The following C6orf163 variants were observed in gnomAD, a reference collection of about 807,000 sequenced individuals.
C6orf163 encodes chromosome 6 open reading frame 163.
Under a neutral mutation model 28.4 loss-of-function variants are expected in C6orf163, and 22 were observed. The observed-to-expected ratio is 0.78, with a 90% confidence interval of 0.55 to 1.11. The LOEUF is 1.11. C6orf163 is among the 50% of genes least tolerant of loss of function. The pLI is 0.00. For synonymous variants in C6orf163, 110 were observed against 123.6 expected, an observed-to-expected ratio of 0.89 and a Z score of 0.73; for missense variants, 342 against 389.1, an observed-to-expected ratio of 0.88 and a Z score of 1.02.
chr6:87,363,534 C>T (rs932156866), intron 4 of C6orf163, among the ~76,000 whole-genome samples: 2 of 150,336 alleles, frequency 1.3e-5, no homozygotes, highest in Non-Finnish European at 3.0e-5. Flanking sequence ...GTGTGATGTT[C>T]CCCTTCCTGT....
intron 1 of C6orf163, among the ~76,000 whole-genome samples, chr6:87,346,777 C>T (rs118097803): frequency 0.013 from 1,988 of 152,218 alleles, 19 homozygotes; most frequent in South Asian, 0.039. Flanking sequence ...AGGACCTCTA[C>T]GGTCAGGACT....
At chr6:87,350,638 G>A (rs1193973751) in intron 3 of C6orf163, 137 bp downstream of exon 3, 3 of 607,286 alleles carry the variant, frequency 4.9e-6, no homozygotes, top group Non-Finnish European at 8.6e-6. Context: ...TCCCCTGGGA[G>A]GTTCTCAGAA....
rs556332379 is a variant in C6orf163, at chr6:87,353,452, AAAAC to A, written c.352-2843_352-2840del. 4.1e-3 allele frequency among the ~76,000 whole-genome samples: 620 copies of A among 152,188 alleles called. 2 individuals carry two copies. Among genetic ancestry groups the A allele is most frequent in the Non-Finnish European group, 6.8e-3 (459 of 67,998 alleles). ...CACAAAAATTGAAAATTAAAAAAAAAAAACAAACACAATCACTTTGTGCCAAAAA... is the reference window on the plus strand; with the variant it reads ...CACAAAAATTGAAAATTAAAAAAAAAAAACACAATCACTTTGTGCCAAAAA... On this transcript the variant is annotated intron_variant, in intron 3 of 4. Transcript: ENST00000388923.
At chr6:87,348,245 GGTA>G in intron 1 of C6orf163, 1 of 983,974 alleles carries the variant, frequency 1.0e-6, no homozygotes. Flanking sequence ...ACCTTGTCTG[GGTA>G]GAGAGGATAT....
intron 1 of C6orf163, chr6:87,348,448 A>G (rs1360191827): frequency 4.0e-6 from 4 of 999,302 alleles, no homozygotes; most frequent in Admixed American, 1.2e-4. Flanking sequence ...CCAAATAGGA[A>G]CAGGGAGAGA....
chr6:87,356,463 G>A lies in C6orf163; in HGVS notation c.514G>A (p.Glu172Lys), dbSNP rs1227201529. Reference sequence around the variant, plus strand: ...AGCTGTGGAGAAAGCCAGGGCTGAAGAAAGACACATCGCCCAGGAAGCAAT... The same window carrying A: ...AGCTGTGGAGAAAGCCAGGGCTGAAAAAAGACACATCGCCCAGGAAGCAAT... The part of the protein sequence containing the change: ...VEAVEKARAE[E>K]RHIAQEAIQA... The change falls in exon 4 of 5, where the codon GAA (glutamate) becomes AAA (lysine). Residue 172 changes from glutamate (E) to lysine (K), a missense_variant. Transcript: ENST00000388923. 1.3e-6 allele frequency: 2 copies of A among 1,551,654 alleles called. No individual in the cohort carries two copies. Among genetic ancestry groups the A allele is most frequent in the African/African-American group, 1.4e-5 (1 of 73,052 alleles).
intron 3 of C6orf163, among the ~76,000 whole-genome samples, chr6:87,355,465 G>T (rs1777485363): frequency 6.6e-6 from 1 of 152,122 alleles, no homozygotes; most frequent in African/African-American, 2.4e-5. Flanking sequence ...GGAGGCTGAG[G>T]TGGGAGGACT....
rs1399126495 is a variant in C6orf163, at chr6:87,345,067, CTG to C, written c.-31_-30del. The C allele has an allele frequency of 6.8e-7, 1 of 1,473,338 alleles. No individual in the cohort carries two copies. The highest frequency in any genetic ancestry group is 9.0e-7 in the Non-Finnish European group (1 of 1,112,876). 91.3% of individuals were successfully genotyped at this position (1,473,338 alleles called of 1,614,324 possible). On this transcript the variant is annotated 5_prime_UTR_variant, in exon 1 of 5. Transcript: ENST00000388923. ...TTTTCTGATTCTAAGATTATTTTAA[CTG>C]TAAGTAGGAGAAGACATCTGAAATT...
intron 4 of C6orf163, among the ~76,000 whole-genome samples, chr6:87,361,294 AAAAAG>A (rs1777577586): frequency 6.6e-6 from 1 of 152,194 alleles, no homozygotes; most frequent in Non-Finnish European, 1.5e-5. Context: ...AAACCAAAAA[AAAAAG>A]AAGAAAGAAA....
At chr6:87,363,795 C>T (rs576125335) in intron 4 of C6orf163, among the ~76,000 whole-genome samples, 10 of 152,078 alleles carry the variant, frequency 6.6e-5, no homozygotes, top group Admixed American at 2.6e-4. Flanking sequence ...TGAATAGTGC[C>T]GCAATAAACA....
intron 4 of C6orf163, among the ~76,000 whole-genome samples, chr6:87,363,053 G>A (rs1777601876): frequency 6.6e-6 from 1 of 152,164 alleles, no homozygotes; most frequent in Non-Finnish European, 1.5e-5. Flanking sequence ...TGAGCTCAAT[G>A]TCTTCTTCAT....
At chr6:87,350,363 T>C in intron 2 of C6orf163, 31 bp from the exon 3 acceptor site, 1 of 1,344,464 alleles carries the variant, frequency 7.4e-7, no homozygotes, top group Non-Finnish European at 1.0e-6. Context: ...TTCTGATACA[T>C]TAATAGATAA....
intron 1 of C6orf163, among the ~76,000 whole-genome samples, chr6:87,345,776 G>A (rs1777312598): frequency 1.3e-5 from 2 of 151,874 alleles, no homozygotes; most frequent in African/African-American, 4.8e-5. Context: ...ATTTAAGCAG[G>A]CATGGTGGCA....
At chr6:87,354,397 C>A (rs1777466940) in intron 3 of C6orf163, among the ~76,000 whole-genome samples, 1 of 152,182 alleles carries the variant, frequency 6.6e-6, no homozygotes, top group Non-Finnish European at 1.5e-5. Flanking sequence ...TGAACTTCAA[C>A]AATTATTAAA....
chr6:87,346,687 T>A (rs371509349), intron 1 of C6orf163, among the ~76,000 whole-genome samples: 37 of 152,278 alleles, frequency 2.4e-4, no homozygotes, highest in African/African-American at 7.9e-4. Flanking sequence ...TATATAGAAC[T>A]TTGAAAAAAA....
chr6:87,348,452 GGAGA>G, intron 1 of C6orf163: 1 of 1,002,240 alleles, frequency 1.0e-6, no homozygotes, highest in Non-Finnish European at 1.2e-6. Context: ...ATAGGAACAG[GGAGA>G]GAGAGAGCTG....
rs1422033292 is a variant in C6orf163, at chr6:87,356,485, C to A, written c.536C>A (p.Ala179Glu). The change falls in exon 4 of 5, where the codon GCA (alanine) becomes GAA (glutamate). Residue 179 changes from alanine to glutamate, a missense_variant. By Grantham distance (107) the Ala-to-Glu change is moderately radical. Transcript: ENST00000388923. Reference protein sequence around the residue: ...RAEERHIAQEAIQAQKSKAVE... With the variant: ...RAEERHIAQEEIQAQKSKAVE... Reference sequence around the variant, plus strand: ...GAAGAAAGACACATCGCCCAGGAAGCAATCCAGGCCCAGAAAAGGTATTCC... The same window carrying A: ...GAAGAAAGACACATCGCCCAGGAAGAAATCCAGGCCCAGAAAAGGTATTCC... The A allele has an allele frequency of 2.6e-6, 4 of 1,551,452 alleles. No homozygotes were observed. In the African/African-American group the frequency reaches 4.1e-5, roughly 16 times the overall value.
chr6:87,350,389 C>T lies in C6orf163; in HGVS notation c.244-5C>T, dbSNP rs1262889281. On this transcript the variant is annotated splice_region_variant and splice_polypyrimidine_tract_variant and intron_variant, in intron 2 of 4. Coordinates refer to ENST00000388923, the MANE Select transcript of C6orf163 (RefSeq NM_001010868.3). The stretch of plus-strand genomic sequence containing the variant: ...TAATAGATAAATGGACTCTTTCTTT[C>T]AAAGGCTAATGAACGTCAAAAACAA... The T allele has an allele frequency of 2.0e-6, 3 of 1,512,526 alleles. No individual in the cohort carries two copies. The highest frequency in any genetic ancestry group is 2.7e-6 in the Non-Finnish European group (3 of 1,127,624). 93.7% of individuals were successfully genotyped at this position (1,512,526 alleles called of 1,614,324 possible).
rs1562228825 is a variant in C6orf163, at chr6:87,348,883, G to T, written c.220G>T (p.Ala74Ser). The change falls in exon 2 of 5, where the codon GCA becomes TCA. Residue 74 changes from alanine (A) to serine (S), a missense_variant. Coordinates refer to ENST00000388923, the MANE Select transcript of C6orf163 (RefSeq NM_001010868.3). ...TATACTCAGAGAACACATTGCGAAA[G>T]CAGAAGCTGAAGTATGGGCTCAGGT... ...EDILREHIAKAEAEVWAQANE... is the reference protein window; with the variant it reads ...EDILREHIAKSEAEVWAQANE... The T allele has an allele frequency of 2.0e-6, 3 of 1,537,546 alleles. No homozygotes were observed. Among genetic ancestry groups the T allele is most frequent in the African/African-American group, 2.7e-5 (2 of 73,166 alleles).
Sources: allele counts gnomAD v4.1 joint callset (sites outside exome capture counted in the v4.1 genomes callset), GRCh38; gene constraint gnomAD v4.1.1; transcripts MANE v1.5; gene names NCBI Gene and HGNC (gene_info 2026-07-23, HGNC 2026-07-21).